The following IFT43 variants were observed in gnomAD, a reference collection of about 807,000 sequenced individuals.
IFT43 encodes intraflagellar transport 43, also known as intraflagellar transport protein 43 homolog.
A neutral mutation model predicts 32.3 loss-of-function variants in IFT43; 33 were observed. That is an observed-to-expected ratio of 1.02 (90% CI 0.77 to 1.37). The LOEUF (loss-of-function observed/expected upper bound fraction) is 1.37, where lower values mean the gene tolerates loss of function less well. IFT43 is among the 40% of genes most tolerant of loss of function. The pLI, the probability that IFT43 is intolerant of heterozygous loss-of-function variation, is 0.00. For missense variants in IFT43, 274 were observed against 265.9 expected, an observed-to-expected ratio of 1.03 and a Z score of -0.21; for synonymous variants, 93 against 98.2, an observed-to-expected ratio of 0.95 and a Z score of 0.31.
At chr14:76,035,436 CCCT>C (rs1371222536) in intron 3 of IFT43, among the ~76,000 whole-genome samples, 1 of 152,100 alleles carries the variant, frequency 6.6e-6, no homozygotes, top group Non-Finnish European at 1.5e-5. Flanking sequence ...TATCCCCCTT[CCCT>C]CCTCCTTCTC....
At chr14:75,992,570 G>A (rs1402517963) in intron 2 of IFT43, among the ~76,000 whole-genome samples, 2 of 152,040 alleles carry the variant, frequency 1.3e-5, no homozygotes, top group African/African-American at 4.8e-5. Context: ...TTTTGAGGCA[G>A]GGTCTTGCTC....
chr14:76,039,141 T>C (rs1042071436), intron 3 of IFT43, among the ~76,000 whole-genome samples: 3 of 152,078 alleles, frequency 2.0e-5, no homozygotes, highest in Admixed American at 6.6e-5. Flanking sequence ...TTTTTTTTTT[T>C]TTCTTTTTTT....
chr14:76,034,067 C>T (rs550172680), intron 3 of IFT43, among the ~76,000 whole-genome samples: 4 of 152,226 alleles, frequency 2.6e-5, no homozygotes, highest in African/African-American at 9.6e-5. Context: ...GAATTGACCC[C>T]GGAAAATAGC....
rs1475412086 is a variant in IFT43, at chr14:75,988,855, G to A, written c.55-30G>A. 2.5e-6 allele frequency: 4 copies of A among 1,613,312 alleles called. No homozygotes were observed. The African/African-American group carries it at 4.0e-5, about 16-fold the overall frequency. On this transcript the variant is annotated intron_variant, in intron 1 of 8. Transcript: ENST00000314067. The stretch of plus-strand genomic sequence containing the variant: ...CAGTAGTGGCCCAAATGACATTTGG[G>A]TCAGCAGTGCCTTCTGTTTCTCCTT...
Position 76,082,724 on chromosome 14 carries a change from G to A in IFT43, c.444+32G>A, listed in dbSNP as rs368058191. The A allele has an allele frequency of 1.2e-5, 18 of 1,475,206 alleles. No homozygotes were observed. In the African/African-American group the frequency reaches 2.2e-4, roughly 18 times the overall value. 91.4% of individuals were successfully genotyped at this position (1,475,206 alleles called of 1,614,324 possible). A position where few individuals can be genotyped will look rare whatever the true frequency, so the allele number is the denominator to read the frequency against. On this transcript the variant is annotated intron_variant, in intron 7 of 8. Transcript: ENST00000314067. ...GGAACAGCTTCTGCATAGAGAGGCG[G>A]GCTCCAAGCAATGGGCTTCAATCCG...
intron 2 of IFT43, chr14:76,013,669 A>G: frequency 3.3e-6 from 1 of 305,166 alleles, no homozygotes; most frequent in Non-Finnish European, 6.4e-6. Context: ...AGCAGCAACA[A>G]ATCCAAAATG....
intron 5 of IFT43, among the ~76,000 whole-genome samples, chr14:76,066,136 T>C (rs371678640): frequency 1.3e-5 from 2 of 152,234 alleles, no homozygotes; most frequent in East Asian, 1.9e-4. Flanking sequence ...ATTTGTAATA[T>C]AGAGTGCCTA....
At chr14:76,019,429 G>A (rs532288259) in intron 2 of IFT43, among the ~76,000 whole-genome samples, 3 of 150,946 alleles carry the variant, frequency 2.0e-5, no homozygotes, top group African/African-American at 7.3e-5. Context: ...AAACTTTCCT[G>A]GCCCGTAAGG....
chr14:75,989,605 A>G (rs573438760), intron 2 of IFT43, among the ~76,000 whole-genome samples: 2 of 152,330 alleles, frequency 1.3e-5, no homozygotes, highest in African/African-American at 4.8e-5. Context: ...ATCCTCTGCC[A>G]GAAGTTAGCT....
At chr14:76,068,984 G>A (rs138551063) in intron 5 of IFT43, among the ~76,000 whole-genome samples, 32 of 152,274 alleles carry the variant, frequency 2.1e-4, no homozygotes, top group East Asian at 5.8e-4. Flanking sequence ...GACAAACTGC[G>A]ACTGAGTCCC....
At chr14:75,988,460 C>T (rs774526721) in intron 1 of IFT43, among the ~76,000 whole-genome samples, 1 of 152,174 alleles carries the variant, frequency 6.6e-6, no homozygotes, top group East Asian at 1.9e-4. Context: ...ACTCAAATCC[C>T]GTTCTCCACC....
chr14:76,007,787 G>A (rs1191311994), intron 2 of IFT43, among the ~76,000 whole-genome samples: 1 of 152,196 alleles, frequency 6.6e-6, no homozygotes, highest in African/African-American at 2.4e-5. Context: ...AATGGGGCAT[G>A]TCTTTATAAG....
intron 5 of IFT43, among the ~76,000 whole-genome samples, chr14:76,076,204 T>C (rs978130834): frequency 1.3e-5 from 2 of 152,092 alleles, no homozygotes; most frequent in African/African-American, 2.4e-5. Flanking sequence ...ACTGAGTAAA[T>C]GGAGTGGGGT....
At chr14:76,021,332 A>T (rs2139954106) in intron 2 of IFT43, among the ~76,000 whole-genome samples, 1 of 152,278 alleles carries the variant, frequency 6.6e-6, no homozygotes, top group South Asian at 2.1e-4. Flanking sequence ...ATCTCTTCTA[A>T]GCAAGTCTCA....
In IFT43 at chr14:76,013,137, A is replaced by T. The variant is rs149235369; in HGVS notation, c.148-9190A>T. Among the ~76,000 whole-genome samples the T allele has an allele frequency of 3.3e-5, 5 of 152,334 alleles. No homozygotes were observed. In the East Asian group the frequency reaches 9.7e-4, roughly 29 times the overall value. On this transcript the variant is annotated intron_variant, in intron 2 of 8. Coordinates refer to ENST00000314067, the MANE Select transcript of IFT43 (RefSeq NM_001102564.3). ...ACTGTCTTAGCCTGCCTGAAGATTA[A>T]GTTTTTAGCTTCAGTGATGGAGCAG...
At chr14:76,058,439 G>C (rs1449145756) in intron 3 of IFT43, 1 of 539,094 alleles carries the variant, frequency 1.9e-6, no homozygotes, top group Non-Finnish European at 3.3e-6. Flanking sequence ...GAGTGAGGCT[G>C]ACATAAAGCT....
At chr14:76,049,213 C>T (rs1349872403) in intron 3 of IFT43, among the ~76,000 whole-genome samples, 2 of 152,354 alleles carry the variant, frequency 1.3e-5, no homozygotes, top group East Asian at 3.9e-4. Context: ...TTATCTCCAT[C>T]TTCCATCCTT....
chr14:76,073,507 A>T (rs1004665679), intron 5 of IFT43, among the ~76,000 whole-genome samples: 1 of 152,164 alleles, frequency 6.6e-6, no homozygotes, highest in Admixed American at 6.5e-5. Flanking sequence ...GGCAAACTTC[A>T]TGGCCAAGTG....
intron 2 of IFT43, among the ~76,000 whole-genome samples, chr14:75,993,091 G>GAC: frequency 6.6e-6 from 1 of 152,100 alleles, no homozygotes; most frequent in Non-Finnish European, 1.5e-5. Flanking sequence ...AACTTAGTCT[G>GAC]ACACACACAT....
Sources: allele counts gnomAD v4.1 joint callset (sites outside exome capture counted in the v4.1 genomes callset), GRCh38; gene constraint gnomAD v4.1.1; transcripts MANE v1.5; gene names NCBI Gene and HGNC (gene_info 2026-07-23, HGNC 2026-07-21).